FBXL7: variants seen among roughly 807,000 people sequenced by gnomAD.
FBXL7 encodes the protein F-box/LRR-repeat protein 7.
FBXL7 carries 12 observed loss-of-function variants against 38.3 expected under a neutral mutation model. The ratio of observed to expected loss-of-function variants is 0.31; its 90% confidence interval spans 0.20 to 0.51. The LOEUF (loss-of-function observed/expected upper bound fraction) is 0.51, where lower values mean the gene tolerates loss of function less well. Ranked by LOEUF, FBXL7 falls within the 20% of genes least tolerant of loss-of-function variation. FBXL7 has a pLI of 0.98. For synonymous variants in FBXL7, 297 were observed against 300.9 expected, an observed-to-expected ratio of 0.99 and a Z score of 0.13; for missense variants, 567 against 676.4, an observed-to-expected ratio of 0.84 and a Z score of 1.79.
chr5:15,754,737 G>A (rs1458177407), intron 2 of FBXL7, among the ~76,000 whole-genome samples: 1 of 152,182 alleles, frequency 6.6e-6, no homozygotes, highest in African/African-American at 2.4e-5. Context: ...ACAAGCACAA[G>A]CACGTACATT....
At chr5:15,734,114 C>CAAA (rs370211850) in intron 2 of FBXL7, among the ~76,000 whole-genome samples, 2 of 139,578 alleles carry the variant, frequency 1.4e-5, no homozygotes, top group Non-Finnish European at 3.1e-5. Flanking sequence ...GACTGGGTCT[C>CAAA]AAAAAAAAAA....
At chr5:15,814,949 C>T (rs2126757510) in intron 2 of FBXL7, among the ~76,000 whole-genome samples, 1 of 152,262 alleles carries the variant, frequency 6.6e-6, no homozygotes, top group Non-Finnish European at 1.5e-5. Context: ...GCTGATTGAC[C>T]TCTCCCTGAT....
At chr5:15,929,788 G>C (rs917833045) in intron 3 of FBXL7, among the ~76,000 whole-genome samples, 3 of 152,104 alleles carry the variant, frequency 2.0e-5, no homozygotes, top group Non-Finnish European at 4.4e-5. Flanking sequence ...TTGCTGCCTA[G>C]TCAAAAGATG....
At chr5:15,690,038 G>A (rs75766298) in intron 2 of FBXL7, among the ~76,000 whole-genome samples, 13,598 of 152,262 alleles carry the variant, frequency 0.089, 743 homozygotes, top group South Asian at 0.15. Flanking sequence ...TGAGAGTTAT[G>A]TGCAAAATTG....
At chr5:15,914,788 T>C (rs1741538485) in intron 2 of FBXL7, among the ~76,000 whole-genome samples, 3 of 152,162 alleles carry the variant, frequency 2.0e-5, no homozygotes, top group Admixed American at 2.0e-4. Context: ...CTTGGTGCAT[T>C]AGTTGAGCAG....
chr5:15,745,413 G>C (rs1221889913), intron 2 of FBXL7, among the ~76,000 whole-genome samples: 1 of 152,110 alleles, frequency 6.6e-6, no homozygotes, highest in Non-Finnish European at 1.5e-5. Context: ...TCAGATAACA[G>C]GTTAAAATTC....
chr5:15,878,100 G>T (rs998676119), intron 2 of FBXL7, among the ~76,000 whole-genome samples: 1 of 152,212 alleles, frequency 6.6e-6, no homozygotes, highest in Non-Finnish European at 1.5e-5. Context: ...GACAACGTGA[G>T]TGTGAAAAGG....
At chr5:15,733,519 G>A (rs765890892) in intron 2 of FBXL7, among the ~76,000 whole-genome samples, 2 of 152,200 alleles carry the variant, frequency 1.3e-5, no homozygotes, top group Non-Finnish European at 2.9e-5. Flanking sequence ...AGTATGCCAT[G>A]AATGGAACAC....
intron 1 of FBXL7, among the ~76,000 whole-genome samples, chr5:15,599,400 T>C (rs1405688172): frequency 6.6e-6 from 1 of 152,190 alleles, no homozygotes; most frequent in African/African-American, 2.4e-5. Context: ...TTTATGTGTG[T>C]GTGTACATGT....
At chr5:15,634,447 G>A (rs1580423131) in intron 2 of FBXL7, among the ~76,000 whole-genome samples, 1 of 149,214 alleles carries the variant, frequency 6.7e-6, no homozygotes, top group South Asian at 2.2e-4. Flanking sequence ...TCAGCCTCCC[G>A]AGCAGCTGGG....
intron 2 of FBXL7, among the ~76,000 whole-genome samples, chr5:15,735,626 C>T (rs1735729324): frequency 6.6e-6 from 1 of 152,184 alleles, no homozygotes; most frequent in Non-Finnish European, 1.5e-5. Context: ...ATTTCCACAG[C>T]TATTTAAAAC....
chr5:15,520,955 G>C (rs1392785281), intron 1 of FBXL7, among the ~76,000 whole-genome samples: 1 of 152,174 alleles, frequency 6.6e-6, no homozygotes, highest in Non-Finnish European at 1.5e-5. Context: ...CAGTACTCTT[G>C]TTCTGGGGAC....
rs115391941 is a variant in FBXL7, at chr5:15,556,328, G to T, written c.37+55615G>T. 2.7e-3 allele frequency among the ~76,000 whole-genome samples: 413 copies of T among 152,110 alleles called. 4 individuals carry two copies. Among genetic ancestry groups the T allele is most frequent in the African/African-American group, 9.8e-3 (405 of 41,502 alleles). On this transcript the variant is annotated intron_variant, in intron 1 of 3. Coordinates refer to ENST00000504595, the MANE Select transcript of FBXL7 (RefSeq NM_012304.5). ...ACGTGTGTCTGAGCCCAAGCAGCCAGGCATAGAGTGAGAATTCAATTCAGT... is the reference window on the plus strand; with the variant it reads ...ACGTGTGTCTGAGCCCAAGCAGCCATGCATAGAGTGAGAATTCAATTCAGT...
intron 2 of FBXL7, among the ~76,000 whole-genome samples, chr5:15,862,776 C>G (rs1739530443): frequency 6.6e-6 from 1 of 152,164 alleles, no homozygotes; most frequent in South Asian, 2.1e-4. Flanking sequence ...TGATTTGGGG[C>G]AGAAGCAGGG....
At chr5:15,764,880 T>C (rs1389333982) in intron 2 of FBXL7, among the ~76,000 whole-genome samples, 3 of 152,244 alleles carry the variant, frequency 2.0e-5, no homozygotes, top group African/African-American at 7.2e-5. Context: ...AGGGCCAGAT[T>C]GTAAATATTT....
At chr5:15,669,020 T>G (rs1178519599) in intron 2 of FBXL7, among the ~76,000 whole-genome samples, 2 of 152,196 alleles carry the variant, frequency 1.3e-5, no homozygotes, top group African/African-American at 2.4e-5. Flanking sequence ...GCCTTATTGT[T>G]TCTGCTGCTG....
At chr5:15,681,702 A>G (rs944629812) in intron 2 of FBXL7, among the ~76,000 whole-genome samples, 5 of 152,194 alleles carry the variant, frequency 3.3e-5, no homozygotes, top group Non-Finnish European at 7.4e-5. Context: ...AAAAATGTGG[A>G]TTTAATACAG....
intron 2 of FBXL7, among the ~76,000 whole-genome samples, chr5:15,750,888 C>T (rs555965109): frequency 1.3e-5 from 2 of 152,294 alleles, no homozygotes; most frequent in Non-Finnish European, 2.9e-5. Flanking sequence ...ATCTGAAGTT[C>T]ACTGGCAGAA....
At chr5:15,767,644 T>C (rs1736624925) in intron 2 of FBXL7, among the ~76,000 whole-genome samples, 1 of 152,204 alleles carries the variant, frequency 6.6e-6, no homozygotes, top group Admixed American at 6.5e-5. Flanking sequence ...ATAAACAATT[T>C]CCTGGAGAAC....
Sources: gnomAD v4.1 joint callset for allele counts (sites outside exome capture counted in the v4.1 genomes callset) on GRCh38, gnomAD v4.1.1 for gene constraint, MANE v1.5 for transcripts, NCBI Gene and HGNC (gene_info 2026-07-23, HGNC 2026-07-21) for gene names.